The following ANKRD26 variants were observed in gnomAD, a reference collection of about 807,000 sequenced individuals.
The protein encoded by ANKRD26 is ankyrin repeat domain-containing protein 26.
A neutral mutation model predicts 208.7 loss-of-function variants in ANKRD26; 141 were observed. That is an observed-to-expected ratio of 0.68 (90% CI 0.59 to 0.78). The LOEUF (loss-of-function observed/expected upper bound fraction) is 0.78, where lower values mean the gene tolerates loss of function less well. ANKRD26 is among the 30% of genes least tolerant of loss of function. ANKRD26 has a pLI of 0.00. For missense variants in ANKRD26, 1,889 were observed against 1,938.7 expected, an observed-to-expected ratio of 0.97 and a Z score of 0.48; for synonymous variants, 636 against 660.4, an observed-to-expected ratio of 0.96 and a Z score of 0.57.
intron 32 of ANKRD26, among the ~76,000 whole-genome samples, chr10:27,011,223 A>C (rs1228175180): frequency 6.6e-6 from 1 of 152,134 alleles, no homozygotes; most frequent in African/African-American, 2.4e-5. Flanking sequence ...ACTAGTTGCT[A>C]TTTATTTATT....
chr10:27,005,236 A>G lies in ANKRD26; in HGVS notation c.*354T>C. The G allele has an allele frequency of 2.0e-6, 2 of 1,009,414 alleles. No homozygotes were observed. Among genetic ancestry groups the G allele is most frequent in the Non-Finnish European group, 2.4e-6 (2 of 844,876 alleles). The allele number at this position is 1,009,414 out of a possible 1,614,324, so 62.5% of individuals were successfully genotyped here. On this transcript the variant is annotated 3_prime_UTR_variant, in exon 34 of 34. Transcript: ENST00000376087. ...ACCACAGTTCCTGCACAACAAAATG[A>G]TGTCTAAGTCCAATTAGACATCTAC...
chr10:27,003,301 G>A (rs909696984), downstream of ANKRD26, among the ~76,000 whole-genome samples: 5 of 152,106 alleles, frequency 3.3e-5, no homozygotes, highest in Non-Finnish European at 7.4e-5. Flanking sequence ...AGTCCAGGGG[G>A]CATCTGAACA....
chr10:27,044,294 T>C (rs1265051161), intron 18 of ANKRD26, 104 bp from the exon 19 acceptor site: 1 of 1,029,294 alleles, frequency 9.7e-7, no homozygotes, highest in Non-Finnish European at 1.4e-6. Context: ...TTGTAATTTA[T>C]TTACCCTATT....
downstream of ANKRD26, among the ~76,000 whole-genome samples, chr10:26,972,367 C>G (rs1272411885): frequency 2.0e-5 from 3 of 151,786 alleles, no homozygotes; most frequent in African/African-American, 4.8e-5. Context: ...GAAGTATACT[C>G]TCAAAATTCT....
the ANKRD26 span, among the ~76,000 whole-genome samples, chr10:26,957,667 T>A: frequency 6.6e-6 from 1 of 152,188 alleles, no homozygotes; most frequent in South Asian, 2.1e-4. Flanking sequence ...GTAAGCTAGA[T>A]AAGATTAACA....
chr10:27,069,066 T>C (rs1273391384), intron 9 of ANKRD26, among the ~76,000 whole-genome samples: 1 of 151,744 alleles, frequency 6.6e-6, no homozygotes, highest in Non-Finnish European at 1.5e-5. Flanking sequence ...TGGTGGCACA[T>C]GCCCTGTAAT....
At chr10:27,019,378 G>C (rs6482588) in intron 29 of ANKRD26, among the ~76,000 whole-genome samples, 123,433 of 152,170 alleles carry the variant, frequency 0.81, 50,416 homozygotes, top group East Asian at 0.99. Context: ...AGTGAAGAGA[G>C]AATCTGTAGA....
At chr10:26,951,780 G>A in the ANKRD26 span, among the ~76,000 whole-genome samples, 24 of 152,258 alleles carry the variant, frequency 1.6e-4, no homozygotes, top group African/African-American at 5.1e-4. Context: ...TGACTTTAAC[G>A]GTGTATTAGT....
downstream of ANKRD26, among the ~76,000 whole-genome samples, chr10:27,002,073 G>A (rs779381370): frequency 1.1e-4 from 16 of 152,160 alleles, no homozygotes; most frequent in East Asian, 7.7e-4. Flanking sequence ...ATAGTCCCAC[G>A]TGGGTTTTCA....
chr10:26,970,368 CGTGAGATCTAGATAGTGAGTGTCTTCTT>C (rs1437676178), downstream of ANKRD26, among the ~76,000 whole-genome samples: 2 of 152,110 alleles, frequency 1.3e-5, no homozygotes, highest in African/African-American at 2.4e-5. Flanking sequence ...AGTGTTTTCT[CGTGAGATCTAGATAGTGAGTGTCTTCTT>C]GTGAGATCTA....
At chr10:27,014,159 ATTATAT>A (rs1311374895) in intron 31 of ANKRD26, among the ~76,000 whole-genome samples, 2 of 152,162 alleles carry the variant, frequency 1.3e-5, no homozygotes, top group African/African-American at 4.8e-5. Flanking sequence ...CTCATTAATA[ATTATAT>A]TTATGGCAAT....
chr10:27,030,521 G>A, intron 25 of ANKRD26: 2 of 985,298 alleles, frequency 2.0e-6, no homozygotes, highest in East Asian at 1.1e-4. Context: ...TTAAGGCTAA[G>A]GTTATGTCGT....
At chr10:27,064,157 C>A in intron 11 of ANKRD26, 76 bp from the exon 12 acceptor site, 1 of 1,087,524 alleles carries the variant, frequency 9.2e-7, no homozygotes, top group Non-Finnish European at 1.4e-6. Flanking sequence ...TAATCACTTT[C>A]AAATATAATA....
At chr10:27,089,112 G>A (rs528177459) in intron 4 of ANKRD26, among the ~76,000 whole-genome samples, 78 of 152,338 alleles carry the variant, frequency 5.1e-4, no homozygotes, top group South Asian at 1.0e-3. Context: ...CAATCAGTAA[G>A]AGCATCCTTG....
chr10:27,016,434 G>T (rs2053294960), intron 30 of ANKRD26, among the ~76,000 whole-genome samples: 1 of 152,084 alleles, frequency 6.6e-6, no homozygotes, highest in Non-Finnish European at 1.5e-5. Flanking sequence ...CACCACGCCT[G>T]GCTGATTATT....
intron 5 of ANKRD26, among the ~76,000 whole-genome samples, chr10:26,992,265 C>T (rs2052500223): frequency 6.6e-6 from 1 of 152,040 alleles, no homozygotes. Context: ...ATTTTCCTCC[C>T]ATTTTTTCTT....
chr10:27,058,603 G>T (rs1201617182), intron 15 of ANKRD26, among the ~76,000 whole-genome samples: 7 of 147,634 alleles, frequency 4.7e-5, no homozygotes, highest in Non-Finnish European at 1.0e-4. Flanking sequence ...TTTCAGACCA[G>T]TCTCACTCTA....
At chr10:26,969,643 AT>A (rs2052115041), downstream of ANKRD26, among the ~76,000 whole-genome samples, 1 of 152,136 alleles carries the variant, frequency 6.6e-6, no homozygotes, top group East Asian at 1.9e-4. Flanking sequence ...TTATTGTCAA[AT>A]TCATTCAATC....
chr10:26,966,309 G>T, the ANKRD26 span, among the ~76,000 whole-genome samples: 1 of 152,268 alleles, frequency 6.6e-6, no homozygotes, highest in South Asian at 2.1e-4. Flanking sequence ...CCATAAAAAG[G>T]AATGAGATCA....
Sources: gnomAD v4.1 joint callset for allele counts (sites outside exome capture counted in the v4.1 genomes callset) on GRCh38, gnomAD v4.1.1 for gene constraint, MANE v1.5 for transcripts, NCBI Gene and HGNC (gene_info 2026-07-23, HGNC 2026-07-21) for gene names.